FRMD4B: variants seen among roughly 807,000 people sequenced by gnomAD.
FRMD4B encodes the protein FERM domain-containing protein 4B.
Under a neutral mutation model 141.5 loss-of-function variants are expected in FRMD4B, and 74 were observed. The observed-to-expected ratio is 0.52, with a 90% CI of 0.43 to 0.63. The LOEUF is 0.63. Ranked by LOEUF, FRMD4B falls within the 30% of genes least tolerant of loss-of-function variation. The pLI, the probability that FRMD4B is intolerant of heterozygous loss-of-function variation, is 0.00. For missense variants in FRMD4B, 1,366 were observed against 1,253.4 expected, an observed-to-expected ratio of 1.09 and a Z score of -1.36; for synonymous variants, 506 against 467.9, an observed-to-expected ratio of 1.08 and a Z score of -1.05.
intron 1 of FRMD4B, among the ~76,000 whole-genome samples, chr3:69,538,941 A>G (rs1366213710): frequency 3.3e-5 from 5 of 152,264 alleles, no homozygotes; most frequent in Non-Finnish European, 7.3e-5. Flanking sequence ...AGGAAGATAC[A>G]TGTAAGACCT....
At chr3:69,452,946 T>C (rs917687694) in intron 1 of FRMD4B, among the ~76,000 whole-genome samples, 1 of 152,250 alleles carries the variant, frequency 6.6e-6, no homozygotes, top group African/African-American at 2.4e-5. Context: ...CGTAAGTTTA[T>C]TGATACAATA....
At chr3:69,224,999 C>T (rs1217406098) in intron 7 of FRMD4B, among the ~76,000 whole-genome samples, 1 of 152,166 alleles carries the variant, frequency 6.6e-6, no homozygotes, top group Admixed American at 6.5e-5. Flanking sequence ...TCTCTATGTT[C>T]CTACAGTATC....
At chr3:69,208,440 T>A (rs1403233276) in intron 11 of FRMD4B, among the ~76,000 whole-genome samples, 1 of 152,184 alleles carries the variant, frequency 6.6e-6, no homozygotes, top group Admixed American at 6.5e-5. Flanking sequence ...CCTCAAGTGA[T>A]CCGCCTACGT....
At chr3:69,429,595 C>T (rs1428270109) in intron 2 of FRMD4B, among the ~76,000 whole-genome samples, 3 of 152,014 alleles carry the variant, frequency 2.0e-5, no homozygotes, top group East Asian at 1.9e-4. Context: ...ATCCCTAAAA[C>T]GTGCACAACT....
At chr3:69,290,910 C>A (rs1700852206) in intron 4 of FRMD4B, among the ~76,000 whole-genome samples, 2 of 152,284 alleles carry the variant, frequency 1.3e-5, no homozygotes, top group South Asian at 4.1e-4. Flanking sequence ...ACTCAACTAG[C>A]ACTCAGCAGG....
At chr3:69,518,033 C>A (rs890670701) in intron 1 of FRMD4B, among the ~76,000 whole-genome samples, 3 of 152,166 alleles carry the variant, frequency 2.0e-5, no homozygotes, top group African/African-American at 7.2e-5. Flanking sequence ...AGACGTCATA[C>A]TTTGAGAACC....
chr3:69,491,955 A>G (rs1316219580), intron 1 of FRMD4B, among the ~76,000 whole-genome samples: 2 of 152,242 alleles, frequency 1.3e-5, no homozygotes, highest in Non-Finnish European at 2.9e-5. Context: ...ATCAGAGATT[A>G]TACCTAAGCC....
intron 4 of FRMD4B, among the ~76,000 whole-genome samples, chr3:69,296,760 C>G (rs1051976524): frequency 1.3e-5 from 2 of 152,178 alleles, no homozygotes; most frequent in Admixed American, 6.5e-5. Context: ...TGGCTTTAAA[C>G]AAATGCATGG....
At chr3:69,187,314 G>C (rs2092778434) in intron 19 of FRMD4B, among the ~76,000 whole-genome samples, 1 of 151,822 alleles carries the variant, frequency 6.6e-6, no homozygotes, top group African/African-American at 2.4e-5. Context: ...GGGAGGCCGA[G>C]GCAGGCAGAT....
At chr3:69,406,351 G>C (rs1330763130) in intron 2 of FRMD4B, among the ~76,000 whole-genome samples, 1 of 152,184 alleles carries the variant, frequency 6.6e-6, no homozygotes, top group Non-Finnish European at 1.5e-5. Context: ...GATGCCAACT[G>C]TGCAAGGCTC....
At chr3:69,244,343 G>C (rs2093408960) in intron 7 of FRMD4B, among the ~76,000 whole-genome samples, 1 of 152,226 alleles carries the variant, frequency 6.6e-6, no homozygotes, top group Non-Finnish European at 1.5e-5. Context: ...CTGAATTCAA[G>C]AAAGAGGTGG....
At chr3:69,479,823 C>A (rs1379087881) in intron 1 of FRMD4B, among the ~76,000 whole-genome samples, 2 of 152,208 alleles carry the variant, frequency 1.3e-5, no homozygotes, top group Non-Finnish European at 2.9e-5. Context: ...GTTCCATTCA[C>A]CCCGTTACTT....
chr3:69,472,327 T>G, intron 1 of FRMD4B: 1 of 472,342 alleles, frequency 2.1e-6, no homozygotes, highest in East Asian at 6.1e-5. Flanking sequence ...ATATTACAGA[T>G]GCAACTCCCT....
At chr3:69,429,026 T>G (rs919251320) in intron 2 of FRMD4B, among the ~76,000 whole-genome samples, 6 of 152,206 alleles carry the variant, frequency 3.9e-5, no homozygotes, top group African/African-American at 1.4e-4. Flanking sequence ...TGTCAGGATT[T>G]CATAATACAC....
intron 11 of FRMD4B, among the ~76,000 whole-genome samples, chr3:69,202,938 TAAGGTTACAAACCTTATCTTA>T (rs1228198970): frequency 6.6e-6 from 1 of 152,136 alleles, no homozygotes; most frequent in African/African-American, 2.4e-5. Context: ...GAGAATATCT[TAAGGTTACAAACCTTATCTTA>T]AAAAAACAAA....
intron 1 of FRMD4B, chr3:69,536,249 T>C: frequency 1.7e-6 from 1 of 601,526 alleles, no homozygotes; most frequent in Non-Finnish European, 3.1e-6. Flanking sequence ...CCCCTTGGCC[T>C]TTTCCGCTCT....
intron 5 of FRMD4B, among the ~76,000 whole-genome samples, chr3:69,264,413 G>A (rs948779416): frequency 6.8e-6 from 1 of 147,740 alleles, no homozygotes; most frequent in African/African-American, 2.4e-5. Context: ...AAGTTGGTGG[G>A]GGTATTTATA....
intron 1 of FRMD4B, among the ~76,000 whole-genome samples, chr3:69,514,794 T>C (rs932385335): frequency 6.6e-6 from 1 of 152,170 alleles, no homozygotes. Flanking sequence ...TTACCCAAAA[T>C]GATCTACAGA....
intron 19 of FRMD4B, among the ~76,000 whole-genome samples, chr3:69,185,233 G>A (rs1388228044): frequency 6.6e-6 from 1 of 150,914 alleles, no homozygotes; most frequent in Non-Finnish European, 1.5e-5. Flanking sequence ...CCTGGGAGGC[G>A]GAGCTTGCAG....
Sources: allele counts gnomAD v4.1 joint callset (sites outside exome capture counted in the v4.1 genomes callset), GRCh38; gene constraint gnomAD v4.1.1; transcripts MANE v1.5; gene names NCBI Gene and HGNC (gene_info 2026-07-23, HGNC 2026-07-21).